The following UBE2D1 variants were observed in gnomAD, a reference collection of about 807,000 sequenced individuals.
UBE2D1 encodes ubiquitin conjugating enzyme E2 D1.
UBE2D1 carries 9 observed loss-of-function variants against 24.6 expected under a neutral mutation model. The ratio of observed to expected loss-of-function variants is 0.37; its 90% CI spans 0.22 to 0.64. UBE2D1 has a LOEUF of 0.64. UBE2D1 is among the 30% of genes least tolerant of loss of function. The pLI is 0.64. For missense variants in UBE2D1, 87 were observed against 177.1 expected (o/e 0.49, Z 2.89); for synonymous variants, 57 against 57.6 (o/e 0.99, Z 0.04).
intron 1 of UBE2D1, among the ~76,000 whole-genome samples, chr10:58,349,139 T>A (rs908329027): frequency 2.6e-5 from 4 of 152,230 alleles, no homozygotes; most frequent in Non-Finnish European, 5.9e-5. Flanking sequence ...TTTTTGTGGC[T>A]TTATTGTAAG....
chr10:58,338,609 G>A (rs1839929001), intron 1 of UBE2D1, among the ~76,000 whole-genome samples: 1 of 151,848 alleles, frequency 6.6e-6, no homozygotes, highest in Non-Finnish European at 1.5e-5. Context: ...TTTTGGGGAG[G>A]ATTATTTTTT....
In UBE2D1 at chr10:58,361,543, T is replaced by C; in HGVS notation, c.120+17T>C. 6.2e-7 allele frequency: 1 copy of C among 1,613,862 alleles called. No individual in the cohort carries two copies. ...ATGGGGCCTGTAAGTATGATTCATA[T>C]CTATGAAATTAACCCCCTCAGCCAT... On this transcript the variant is annotated intron_variant, in intron 3 of 6. Transcript: ENST00000373910.
At chr10:58,338,617 T>G (rs893378110) in intron 1 of UBE2D1, among the ~76,000 whole-genome samples, 4 of 152,204 alleles carry the variant, frequency 2.6e-5, no homozygotes, top group African/African-American at 9.6e-5. Context: ...AGGATTATTT[T>G]TTAAATTACA....
At chr10:58,363,237 G>A (rs925222627) in intron 3 of UBE2D1, among the ~76,000 whole-genome samples, 33 of 151,856 alleles carry the variant, frequency 2.2e-4, no homozygotes, top group African/African-American at 6.3e-4. Flanking sequence ...TACTGATTAC[G>A]GCTGCAGAAA....
chr10:58,358,666 G>A (rs1840159200), intron 1 of UBE2D1, among the ~76,000 whole-genome samples: 1 of 152,186 alleles, frequency 6.6e-6, no homozygotes, highest in African/African-American at 2.4e-5. Context: ...CATGTGGGAA[G>A]TGAGTGGTGG....
At chr10:58,362,532 G>A (rs1323485468) in intron 3 of UBE2D1, among the ~76,000 whole-genome samples, 1 of 151,938 alleles carries the variant, frequency 6.6e-6, no homozygotes, top group African/African-American at 2.4e-5. Flanking sequence ...CTCATTTAAA[G>A]GCCCACCCTT....
In UBE2D1 at chr10:58,368,258, A is replaced by C. The variant is rs979695650; in HGVS notation, c.398+242A>C. 7 of 347,848 alleles carry C rather than the reference A, an allele frequency of 2.0e-5. No homozygotes were observed. In the Admixed American group the frequency reaches 2.5e-4, roughly 13 times the overall value. 21.5% of individuals were successfully genotyped at this position (347,848 alleles called of 1,614,324 possible). ...CTGTATTTGAAAAATAGATGTATAT[A>C]TTCTAGGTGATAAATTAAAAATGAA... On this transcript the variant is annotated intron_variant, in intron 6 of 6. Coordinates refer to ENST00000373910, the MANE Select transcript of UBE2D1 (RefSeq NM_003338.5).
intron 1 of UBE2D1, among the ~76,000 whole-genome samples, chr10:58,346,261 C>T (rs1348757539): frequency 6.6e-6 from 1 of 152,152 alleles, no homozygotes; most frequent in African/African-American, 2.4e-5. Context: ...ATCTGCCCGC[C>T]TCAGACTCCC....
chr10:58,358,791 T>A (rs1437114934), intron 1 of UBE2D1, among the ~76,000 whole-genome samples: 1 of 151,320 alleles, frequency 6.6e-6, no homozygotes, highest in Non-Finnish European at 1.5e-5. Context: ...AATGCGGTCT[T>A]GCTCTGTCAC....
At chr10:58,352,846 A>G (rs1026467013) in intron 1 of UBE2D1, among the ~76,000 whole-genome samples, 2 of 151,822 alleles carry the variant, frequency 1.3e-5, no homozygotes, top group Non-Finnish European at 2.9e-5. Flanking sequence ...GGTAGTTTAC[A>G]TCAGTTATTT....
chr10:58,368,148 T>C (rs1840277234), intron 6 of UBE2D1, 132 bp downstream of exon 6: 1 of 632,072 alleles, frequency 1.6e-6, no homozygotes, highest in African/African-American at 1.8e-5. Flanking sequence ...CTTTTTCCAA[T>C]GGAGTAAACC....
intron 1 of UBE2D1, among the ~76,000 whole-genome samples, chr10:58,349,466 A>G (rs1327721778): frequency 6.6e-6 from 1 of 152,218 alleles, no homozygotes; most frequent in African/African-American, 2.4e-5. Context: ...AGTCACTGGA[A>G]ATGAAACCGA....
intron 1 of UBE2D1, among the ~76,000 whole-genome samples, chr10:58,353,779 C>A (rs1398188447): frequency 6.6e-6 from 1 of 152,180 alleles, no homozygotes; most frequent in Non-Finnish European, 1.5e-5. Context: ...ACCTGTTATA[C>A]TTTTTACCGT....
rs1006371842 is a variant in UBE2D1 at position 58,346,418 on chromosome 10, G to T, written c.24+11193G>T. On this transcript the variant is annotated intron_variant, in intron 1 of 6. Transcript: ENST00000373910. The stretch of plus-strand genomic sequence containing the variant: ...AATGTCATGAAAAGGGATGCATGGA[G>T]TATTCTAGGAATATAGCAGGGACCC... 2.0e-5 allele frequency among the ~76,000 whole-genome samples: 3 copies of T among 152,152 alleles called. No individual in the cohort carries two copies. In the South Asian group the frequency reaches 6.2e-4, roughly 32 times the overall value.
chr10:58,346,958 G>A (rs1302753877), intron 1 of UBE2D1, among the ~76,000 whole-genome samples: 1 of 152,210 alleles, frequency 6.6e-6, no homozygotes, highest in African/African-American at 2.4e-5. Flanking sequence ...TTGAGTTGGT[G>A]TGATCCATCT....
chr10:58,339,135 T>G (rs1006558029), intron 1 of UBE2D1, among the ~76,000 whole-genome samples: 1 of 152,134 alleles, frequency 6.6e-6, no homozygotes, highest in Non-Finnish European at 1.5e-5. Flanking sequence ...AGACAGGGTC[T>G]CACTTTGTCA....
intron 1 of UBE2D1, among the ~76,000 whole-genome samples, chr10:58,357,046 T>A (rs1477775905): frequency 6.6e-6 from 1 of 151,974 alleles, no homozygotes; most frequent in East Asian, 1.9e-4. Flanking sequence ...TAGGAAGAAA[T>A]ATTCAAGAAG....
At position 58,368,829 on chromosome 10, in the gene UBE2D1, A is replaced by T; in HGVS notation, c.*64A>T. On this transcript the variant is annotated 3_prime_UTR_variant, in exon 7 of 7. Transcript: ENST00000373910. ...AATCTAGGTTTTTTTCAACATTAGC[A>T]GTAAATTGAGCACTGTTTACTGTTT... 8.9e-7 allele frequency: 1 copy of T among 1,124,614 alleles called. No individual in the cohort carries two copies. The allele number at this position is 1,124,614 out of a possible 1,614,324, so 69.7% of individuals were successfully genotyped here.
intron 1 of UBE2D1, among the ~76,000 whole-genome samples, chr10:58,340,355 A>G (rs1238769164): frequency 6.6e-6 from 1 of 152,180 alleles, no homozygotes; most frequent in Non-Finnish European, 1.5e-5. Flanking sequence ...TAGAAACCAG[A>G]CCATGGGCAG....
Sources: gnomAD v4.1 joint callset for allele counts (sites outside exome capture counted in the v4.1 genomes callset) on GRCh38, gnomAD v4.1.1 for gene constraint, MANE v1.5 for transcripts, NCBI Gene and HGNC (gene_info 2026-07-23, HGNC 2026-07-21) for gene names.